The following ADCY9 variants were observed in gnomAD, a reference collection of about 807,000 sequenced individuals.
The protein encoded by ADCY9 is adenylate cyclase 9.
In ADCY9, 50 loss-of-function variants were observed where a neutral mutation model predicts 101.5. That is an observed-to-expected ratio of 0.49 (90% CI 0.39 to 0.62). The LOEUF (loss-of-function observed/expected upper bound fraction) is 0.62. Among genes scored for constraint, ADCY9 ranks in the 20% least tolerant of loss-of-function variants. ADCY9 has a pLI of 0.00. For synonymous variants in ADCY9, 905 were observed against 769.3 expected, an observed-to-expected ratio of 1.18 and a Z score of -2.92; for missense variants, 1,662 against 1,800.4, an observed-to-expected ratio of 0.92 and a Z score of 1.39.
intron 2 of ADCY9, among the ~76,000 whole-genome samples, chr16:4,090,036 C>T (rs1171905751): frequency 1.3e-5 from 2 of 152,118 alleles, no homozygotes; most frequent in South Asian, 2.1e-4. Context: ...CAGGCATCCC[C>T]GGCAGCCACT....
downstream of ADCY9, among the ~76,000 whole-genome samples, chr16:3,960,724 A>G (rs138203433): frequency 4.7e-3 from 709 of 152,212 alleles, 4 homozygotes; most frequent in South Asian, 0.01. Context: ...CTTAACTCAC[A>G]TCTCCTTCAG....
chr16:4,112,394 GA>G (rs2057119339), intron 2 of ADCY9, among the ~76,000 whole-genome samples: 1 of 152,140 alleles, frequency 6.6e-6, no homozygotes, highest in Non-Finnish European at 1.5e-5. Context: ...AGAAAAATCA[GA>G]AGAAAGATGA....
At chr16:4,066,179 T>G (rs898497589) in intron 2 of ADCY9, among the ~76,000 whole-genome samples, 1 of 152,252 alleles carries the variant, frequency 6.6e-6, no homozygotes, top group African/African-American at 2.4e-5. Flanking sequence ...CATCTCATTA[T>G]GAAAATCCCC....
Position 3,966,938 on chromosome 16 carries a change from C to A in ADCY9, c.2899G>T (p.Val967Leu). The A allele has an allele frequency of 6.2e-7, 1 of 1,613,530 alleles. No homozygotes were observed. Among genetic ancestry groups the A allele is most frequent in the Non-Finnish European group, 8.5e-7 (1 of 1,179,884 alleles). ...SSERNPCNSS[V>L]PRDLRRPASL... is the part of the protein sequence containing the mutation. ...GCGGGCCGCCGGAGGTCACGCGGCA[C>A]CGAACTATTGCACGGGTTCCTCTCG... is the stretch of plus-strand genomic sequence containing the variant. Residue 967 changes from valine to leucine, a missense_variant, in exon 11 of 11, where the codon GTG (valine) becomes TTG (leucine). Val to Leu is a conservative substitution (Grantham distance 32). Transcript: ENST00000294016.
At chr16:4,102,084 G>A (rs1340063077) in intron 2 of ADCY9, among the ~76,000 whole-genome samples, 1 of 152,174 alleles carries the variant, frequency 6.6e-6, no homozygotes, top group East Asian at 1.9e-4. Context: ...ATTGAGCGCA[G>A]GAAGAAAGAA....
intron 3 of ADCY9, among the ~76,000 whole-genome samples, chr16:4,003,756 A>C (rs2141717504): frequency 6.6e-6 from 1 of 152,128 alleles, no homozygotes; most frequent in South Asian, 2.1e-4. Context: ...CGCAAAGCCA[A>C]GGCTTGAGAA....
At chr16:3,996,228 G>T (rs559849980) in intron 3 of ADCY9, among the ~76,000 whole-genome samples, 2 of 152,250 alleles carry the variant, frequency 1.3e-5, no homozygotes, top group South Asian at 4.1e-4. Context: ...TGACCTTGAT[G>T]GCACGTGCCT....
rs913970422 is a variant in ADCY9 at position 3,992,854 on chromosome 16, C to T, written c.1990-491G>A. Among the ~76,000 whole-genome samples the T allele has an allele frequency of 2.0e-5, 3 of 152,060 alleles. No individual in the cohort carries two copies. Among genetic ancestry groups the T allele is most frequent in the Non-Finnish European group, 4.4e-5 (3 of 68,018 alleles). On this transcript the variant is annotated intron_variant, in intron 4 of 10. Coordinates refer to ENST00000294016, the MANE Select transcript of ADCY9 (RefSeq NM_001116.4). The surrounding 1 kb of genome is among the most constrained non-coding windows in gnomAD (Gnocchi z 4.2). ...GTGGGAAGGCATGGGATGACCTGCA[C>T]CTGCAATCCTTTGGCAGATGGAGAG...
intron 2 of ADCY9, among the ~76,000 whole-genome samples, chr16:4,013,194 G>A (rs1286799751): frequency 6.6e-6 from 1 of 151,896 alleles, no homozygotes; most frequent in African/African-American, 2.4e-5. Flanking sequence ...GCTGCAGTGA[G>A]CTGTGAGTGC....
At chr16:4,018,571 C>T (rs905022331) in intron 2 of ADCY9, among the ~76,000 whole-genome samples, 1 of 152,206 alleles carries the variant, frequency 6.6e-6, no homozygotes, top group Non-Finnish European at 1.5e-5. Flanking sequence ...GCCTTCACCA[C>T]CTGTTGCTTC....
chr16:4,014,428 T>A (rs938453372), intron 2 of ADCY9, among the ~76,000 whole-genome samples: 1 of 152,120 alleles, frequency 6.6e-6, no homozygotes, highest in Non-Finnish European at 1.5e-5. Context: ...TAATTTGATC[T>A]TCTGCTTAAC....
At chr16:4,020,188 C>T (rs2056465535) in intron 2 of ADCY9, among the ~76,000 whole-genome samples, 1 of 152,198 alleles carries the variant, frequency 6.6e-6, no homozygotes, top group Non-Finnish European at 1.5e-5. Context: ...CTACTGACCA[C>T]TCGAAATGTA....
chr16:3,966,543 C>T lies in ADCY9; in HGVS notation c.3294G>A (p.Lys1098=), dbSNP rs1438075246. Reference sequence around the variant, plus strand: ...TCTTCTCGATGCTGCTGTAGTCCGGCTTGCTTAGGAGCTCGTCAAAGTCCC... The same window carrying T: ...TCTTCTCGATGCTGCTGTAGTCCGGTTTGCTTAGGAGCTCGTCAAAGTCCC... ...LIGDFDELLS[K]PDYSSIEKIK... Residue 1098 remains lysine (K), a synonymous_variant, in exon 11 of 11, where the codon AAG becomes AAA. Coordinates refer to ENST00000294016, the MANE Select transcript of ADCY9 (RefSeq NM_001116.4). 1 of 1,614,186 alleles carries T rather than the reference C, an allele frequency of 6.2e-7. No homozygotes were observed.
chr16:3,958,938 G>A (rs1044721068), downstream of ADCY9, among the ~76,000 whole-genome samples: 1 of 151,102 alleles, frequency 6.6e-6, no homozygotes, highest in Non-Finnish European at 1.5e-5. Flanking sequence ...GCCTCCCAAA[G>A]TGCTGGGACC....
chr16:4,111,975 C>A (rs2057116760), intron 2 of ADCY9, among the ~76,000 whole-genome samples: 1 of 152,002 alleles, frequency 6.6e-6, no homozygotes, highest in Non-Finnish European at 1.5e-5. Context: ...ATAATTACAC[C>A]CTCTTCATTT....
intron 2 of ADCY9, among the ~76,000 whole-genome samples, chr16:4,047,733 A>C (rs921856572): frequency 6.6e-6 from 1 of 152,098 alleles, no homozygotes; most frequent in Non-Finnish European, 1.5e-5. Context: ...GAAATCTATG[A>C]CCAAGCAGGT....
intron 2 of ADCY9, among the ~76,000 whole-genome samples, chr16:4,030,756 A>G (rs111620915): frequency 0.025 from 3,756 of 152,130 alleles, 165 homozygotes; most frequent in African/African-American, 0.085. Context: ...AAATTCAAAC[A>G]CAGGCAAACG....
chr16:3,999,318 C>T (rs1029149793), intron 3 of ADCY9, among the ~76,000 whole-genome samples: 10 of 152,168 alleles, frequency 6.6e-5, no homozygotes, highest in Admixed American at 2.6e-4. Context: ...GTGAACAAGT[C>T]GGGCCCCCAT....
At chr16:4,036,549 G>A (rs1439193977) in intron 2 of ADCY9, among the ~76,000 whole-genome samples, 1 of 132,684 alleles carries the variant, frequency 7.5e-6, no homozygotes, top group South Asian at 2.6e-4. Context: ...TGCAACCTCC[G>A]CCTCCCAGGT....
Sources: gnomAD v4.1 joint callset for allele counts (sites outside exome capture counted in the v4.1 genomes callset) on GRCh38, gnomAD v4.1.1 for gene constraint, Gnocchi (gnomAD v3.1) non-coding constraint, MANE v1.5 for transcripts, NCBI Gene and HGNC (gene_info 2026-07-23, HGNC 2026-07-21) for gene names.